RAB29: variants seen among roughly 807,000 people sequenced by gnomAD.
RAB29 encodes RAB29, member RAS oncogene family.
RAB29 carries 13 observed loss-of-function variants against 25.5 expected under a neutral mutation model. The observed-to-expected ratio is 0.51, with a 90% CI of 0.33 to 0.81. RAB29 has a LOEUF of 0.81. RAB29 is among the 30% of genes least tolerant of loss of function. The probability of loss-of-function intolerance (pLI) is 0.02; values close to 1 mark genes in which losing one functional copy is unlikely to be tolerated. For synonymous variants in RAB29, 88 were observed against 95.0 expected (o/e 0.93, Z 0.43); for missense variants, 201 against 254.9 (o/e 0.79, Z 1.44).
chr1:205,769,730 A>T lies in RAB29; in HGVS notation c.*612T>A, dbSNP rs1346931417. ...AGGCATGAGCCACCATGCCCGGCCA[A>T]AAAACTTGACTATTCTTGATGCCAA... On this transcript the variant is annotated 3_prime_UTR_variant, in exon 6 of 6. Coordinates refer to ENST00000367139, the MANE Select transcript of RAB29 (RefSeq NM_003929.3). 1 of 154,238 alleles carries T rather than the reference A, an allele frequency of 6.5e-6. No homozygotes were observed. Among genetic ancestry groups the T allele is most frequent in the Non-Finnish European group, 1.4e-5 (1 of 69,612 alleles). The allele number at this position is 154,238 out of a possible 1,614,324, so 9.6% of individuals were successfully genotyped here.
In RAB29 at chr1:205,772,479, T is replaced by C. The variant is rs1473716381; in HGVS notation, c.196+17A>G. 6.2e-6 allele frequency: 10 copies of C among 1,610,864 alleles called. No individual in the cohort carries two copies. Among genetic ancestry groups the C allele is most frequent in the South Asian group, 3.3e-5 (3 of 91,030 alleles). ...CAAAATTTCTTCCCTTGTTCCTATCTAGCCCTCCCACTTTACCTGCAATAT... is the reference window on the plus strand; with the variant it reads ...CAAAATTTCTTCCCTTGTTCCTATCCAGCCCTCCCACTTTACCTGCAATAT... On this transcript the variant is annotated intron_variant, in intron 3 of 5. Coordinates refer to ENST00000367139, the MANE Select transcript of RAB29 (RefSeq NM_003929.3).
At position 205,774,979 on chromosome 1, in the gene RAB29, G is replaced by A; in HGVS notation, c.-23C>T. ...CATGGCTAGCGGGGTGTGCGTTTTAGGGAGGCGGGAAGTGTGGTCGGGGAT... is the reference window on the plus strand; with the variant it reads ...CATGGCTAGCGGGGTGTGCGTTTTAAGGAGGCGGGAAGTGTGGTCGGGGAT... On this transcript the variant is annotated 5_prime_UTR_variant, in exon 2 of 6. Transcript: ENST00000367139. The A allele has an allele frequency of 6.2e-7, 1 of 1,612,682 alleles. No individual in the cohort carries two copies. Among genetic ancestry groups the A allele is most frequent in the Non-Finnish European group, 8.5e-7 (1 of 1,179,946 alleles).
rs756331734 is a variant in RAB29 at position 205,772,585 on chromosome 1, T to G, written c.125-18A>C. The stretch of plus-strand genomic sequence containing the variant: ...AAAATCCACTGAAAATATATGTACA[T>G]TATACTTTAATAAAATTTCACTGTA... On this transcript the variant is annotated intron_variant, in intron 2 of 5. Transcript: ENST00000367139. 8.8e-6 allele frequency: 14 copies of G among 1,599,516 alleles called. No homozygotes were observed. The highest frequency in any genetic ancestry group is 1.2e-5 in the Non-Finnish European group (14 of 1,167,068).
At chr1:205,771,373 T>C (rs1369145373) in intron 4 of RAB29, 99 bp downstream of exon 4, 1 of 1,442,278 alleles carries the variant, frequency 6.9e-7, no homozygotes, top group Non-Finnish European at 9.7e-7. Flanking sequence ...TTTTGCCAAC[T>C]TAAGAAGGGG....
At chr1:205,774,809 C>CAA in intron 2 of RAB29, 24 bp downstream of exon 2, 1 of 1,522,330 alleles carries the variant, frequency 6.6e-7, no homozygotes, top group Non-Finnish European at 8.9e-7. Context: ...CCCCCTCCCC[C>CAA]TCCCCACCCC....
chr1:205,773,528 T>G (rs1419700167), intron 2 of RAB29, among the ~76,000 whole-genome samples: 1 of 152,196 alleles, frequency 6.6e-6, no homozygotes, highest in African/African-American at 2.4e-5. Context: ...TTTGTTCCTT[T>G]GTTTTTGAGA....
At chr1:205,774,795 T>TCCAGCCCC in intron 2 of RAB29, 38 bp downstream of exon 2, 1 of 860,522 alleles carries the variant, frequency 1.2e-6, no homozygotes. Flanking sequence ...CGGGGCCTCC[T>TCCAGCCCC]CCTCCCCCTC....
At chr1:205,772,059 C>T (rs1655058137) in intron 3 of RAB29, among the ~76,000 whole-genome samples, 1 of 150,718 alleles carries the variant, frequency 6.6e-6, no homozygotes. Flanking sequence ...AGCAATTCTC[C>T]AAAAGCAGTA....
At position 205,775,010 on chromosome 1, in the gene RAB29, G is replaced by T. The variant is rs708725; in HGVS notation, c.-54C>A. ...CGGGAAGTGTGGTCGGGGATCGGGG[G>T]TCGCTCGTTTTAACCCCTTTGGATC... On this transcript the variant is annotated 5_prime_UTR_variant, in exon 2 of 6. Transcript: ENST00000367139. The T allele has an allele frequency of 0.38, 608,948 of 1,605,250 alleles. 125,338 individuals carry two copies. Among genetic ancestry groups the T allele is most frequent in the Non-Finnish European group, 0.43 (503,640 of 1,177,372 alleles).
chr1:205,770,361 G>A lies in RAB29; in HGVS notation c.593C>T (p.Ser198Phe). ...GDYINLQTKS[S>F]SWSCC is the part of the protein sequence containing the mutation. ...ACACTACTAGCAGCAGGACCAGCTGGAGGACTTGGTTTGTAGATTGATGTA... is the reference window on the plus strand; with the variant it reads ...ACACTACTAGCAGCAGGACCAGCTGAAGGACTTGGTTTGTAGATTGATGTA... Residue 198 changes from serine to phenylalanine, a missense_variant, in exon 6 of 6, where the codon TCC (serine) becomes TTC (phenylalanine). Physicochemically the swap from Ser to Phe is radical, Grantham distance 155. Transcript: ENST00000367139. 2 of 1,613,790 alleles carry A rather than the reference G, an allele frequency of 1.2e-6. No individual in the cohort carries two copies. Among genetic ancestry groups the A allele is most frequent in the Non-Finnish European group, 1.7e-6 (2 of 1,179,632 alleles).
At chr1:205,774,470 C>G (rs1415090035) in intron 2 of RAB29, among the ~76,000 whole-genome samples, 1 of 152,240 alleles carries the variant, frequency 6.6e-6, no homozygotes, top group Non-Finnish European at 1.5e-5. Flanking sequence ...TCAGCTGCTT[C>G]TGCTGATTGG....
intron 4 of RAB29, 81 bp from the exon 5 acceptor site, chr1:205,770,935 T>A: frequency 2.6e-6 from 4 of 1,514,642 alleles, no homozygotes; most frequent in Non-Finnish European, 3.6e-6. Flanking sequence ...CTGTGGATTT[T>A]AAACATATTT....
Position 205,768,917 on chromosome 1 carries a change from C to T in RAB29, c.*1425G>A, listed in dbSNP as rs1241626302. On this transcript the variant is annotated 3_prime_UTR_variant, in exon 6 of 6. Transcript: ENST00000367139. ...CCCGACCAGCCAGATTTGGGAACCA[C>T]TGACTTAGGACACTTATTTAAGGTC... is the stretch of plus-strand genomic sequence containing the variant. 6.6e-6 allele frequency: 1 copy of T among 152,166 alleles called. No individual in the cohort carries two copies. The highest frequency in any genetic ancestry group is 2.4e-5 in the African/African-American group (1 of 41,430). The allele number at this position is 152,166 out of a possible 1,614,324, so 9.4% of individuals were successfully genotyped here.
rs1256599310 is a variant in RAB29, at chr1:205,770,817, A to G, written c.416T>C (p.Ile139Thr). ...LSPWAVSRDQIDRFSKENGFT... is the reference protein window; with the variant it reads ...LSPWAVSRDQTDRFSKENGFT... ...ACCGTTCTCTTTACTGAACCGGTCA[A>G]TCTGGTCCCGGCTCACTGCCCAAGG... The change falls in exon 5 of 6, where the codon ATT becomes ACT. Residue 139 changes from isoleucine to threonine, a missense_variant. Physicochemically the swap from Ile to Thr is moderately conservative, Grantham distance 89. Coordinates refer to ENST00000367139, the MANE Select transcript of RAB29 (RefSeq NM_003929.3). The G allele has an allele frequency of 2.5e-6, 4 of 1,614,046 alleles. No individual in the cohort carries two copies. The highest frequency in any genetic ancestry group is 1.3e-5 in the African/African-American group (1 of 74,916).
chr1:205,770,049 T>C lies in RAB29; in HGVS notation c.*293A>G, dbSNP rs1055667166. The C allele has an allele frequency of 2.2e-5, 10 of 452,980 alleles. No individual in the cohort carries two copies. The highest frequency in any genetic ancestry group is 2.0e-4 in the African/African-American group (10 of 50,946). 28.1% of individuals were successfully genotyped at this position (452,980 alleles called of 1,614,324 possible). A position where few individuals can be genotyped will look rare whatever the true frequency, so the allele number is the denominator to read the frequency against. On this transcript the variant is annotated 3_prime_UTR_variant, in exon 6 of 6. Transcript: ENST00000367139. ...TGATCTCTAAAACGCAGGTGCTGATTTCTAATCCTTCTCATAAAATTCCGG... is the reference window on the plus strand; with the variant it reads ...TGATCTCTAAAACGCAGGTGCTGATCTCTAATCCTTCTCATAAAATTCCGG...
At position 205,770,088 on chromosome 1, in the gene RAB29, G is replaced by A; in HGVS notation, c.*254C>T. On this transcript the variant is annotated 3_prime_UTR_variant, in exon 6 of 6. Transcript: ENST00000367139. ...ATAAAATTCCGGATCACAAATTGAG[G>A]GCTGATGAGAAGATCTTACACCGAA... 1.9e-6 allele frequency: 1 copy of A among 517,470 alleles called. No individual in the cohort carries two copies. Among genetic ancestry groups the A allele is most frequent in the South Asian group, 2.4e-5 (1 of 42,232 alleles). The allele number at this position is 517,470 out of a possible 1,614,324, so 32.1% of individuals were successfully genotyped here.
chr1:205,774,835 C>T lies in RAB29; in HGVS notation c.122G>A (p.Gly41Glu), dbSNP rs753041911. 1.3e-6 allele frequency: 2 copies of T among 1,557,706 alleles called. No individual in the cohort carries two copies. The highest frequency in any genetic ancestry group is 8.8e-7 in the Non-Finnish European group (1 of 1,141,754). Reference sequence around the variant, plus strand: ...TCCCCACCCCCGAGACGTCTCACCTCCCACCGTGGACTTGTAGTGTTTGCT... The same window carrying T: ...TCCCCACCCCCGAGACGTCTCACCTTCCACCGTGGACTTGTAGTGTTTGCT... ...SFSKHYKSTV[G>E]VDFALKVLQW... Residue 41 changes from glycine to glutamate, a missense_variant and splice_region_variant, in exon 2 of 6, where the codon GGA becomes GAA. Coordinates refer to ENST00000367139, the MANE Select transcript of RAB29 (RefSeq NM_003929.3).
intron 2 of RAB29, among the ~76,000 whole-genome samples, chr1:205,774,086 T>C (rs1265677622): frequency 4.6e-5 from 7 of 152,156 alleles, no homozygotes; most frequent in Admixed American, 2.6e-4. Context: ...AAGAAATGAA[T>C]GAACTCGGTG....
At position 205,768,991 on chromosome 1, in the gene RAB29, T is replaced by A. The variant is rs1380599999; in HGVS notation, c.*1351A>T. 1 of 152,216 alleles carries A rather than the reference T, an allele frequency of 6.6e-6. No individual in the cohort carries two copies. Among genetic ancestry groups the A allele is most frequent in the Non-Finnish European group, 1.5e-5 (1 of 68,038 alleles). 9.4% of individuals were successfully genotyped at this position (152,216 alleles called of 1,614,324 possible). A position where few individuals can be genotyped will look rare whatever the true frequency, so the allele number is the denominator to read the frequency against. The stretch of plus-strand genomic sequence containing the variant: ...AGTTTAGTAAGAATATCGATAACTT[T>A]GGGTAGGTTATAAATCACCATCCTA... On this transcript the variant is annotated 3_prime_UTR_variant, in exon 6 of 6. Transcript: ENST00000367139.
Sources: allele counts gnomAD v4.1 joint callset (sites outside exome capture counted in the v4.1 genomes callset), GRCh38; gene constraint gnomAD v4.1.1; transcripts MANE v1.5; gene names NCBI Gene and HGNC (gene_info 2026-07-23, HGNC 2026-07-21).